The following ARHGAP15 variants were observed in gnomAD, a reference collection of about 807,000 sequenced individuals.
The protein encoded by ARHGAP15 is rho GTPase-activating protein 15.
ARHGAP15 carries 51 observed loss-of-function variants against 63.7 expected under a neutral mutation model. The ratio of observed to expected loss-of-function variants is 0.80; its 90% CI spans 0.64 to 1.01. The LOEUF (loss-of-function observed/expected upper bound fraction) is 1.01, where lower values mean the gene tolerates loss of function less well. Among genes scored for constraint, ARHGAP15 ranks in the 50% least tolerant of loss-of-function variants. The pLI, the probability that ARHGAP15 is intolerant of heterozygous loss-of-function variation, is 0.00. For synonymous variants in ARHGAP15, 191 were observed against 193.8 expected (o/e 0.99, Z 0.12); for missense variants, 560 against 564.6 (o/e 0.99, Z 0.08).
chr2:143,522,951 A>G (rs1033064276), intron 10 of ARHGAP15, among the ~76,000 whole-genome samples: 11 of 152,176 alleles, frequency 7.2e-5, no homozygotes, highest in Admixed American at 7.2e-4. Context: ...CTTAGATAGA[A>G]GGGCCTAGGA....
At chr2:143,463,861 G>A (rs1296282633) in intron 8 of ARHGAP15, among the ~76,000 whole-genome samples, 1 of 152,120 alleles carries the variant, frequency 6.6e-6, no homozygotes, top group Non-Finnish European at 1.5e-5. Flanking sequence ...TAGCTAGGTT[G>A]ACATATTAAA....
In ARHGAP15 at chr2:143,195,598, CA is replaced by C. The variant is rs1249538195; in HGVS notation, c.166-6529del. Among the ~76,000 whole-genome samples the C allele has an allele frequency of 8.5e-5, 13 of 152,048 alleles. 1 individual carries two copies. The South Asian group carries it at 2.3e-3, about 27-fold the overall frequency. Reference sequence around the variant, plus strand: ...TTTGAATGTAAGAATTGGGATACACCAAAAAAACTTTTAAGAGACTGTAGAG... The same window carrying C: ...TTTGAATGTAAGAATTGGGATACACCAAAAAACTTTTAAGAGACTGTAGAG... On this transcript the variant is annotated intron_variant, in intron 2 of 13. Coordinates refer to ENST00000295095, the MANE Select transcript of ARHGAP15 (RefSeq NM_018460.4).
intron 6 of ARHGAP15, among the ~76,000 whole-genome samples, chr2:143,421,853 A>G (rs999292530): frequency 6.6e-6 from 1 of 151,628 alleles, no homozygotes. Flanking sequence ...ATGTGTAGAA[A>G]GATACCTAGA....
chr2:143,745,433 T>G (rs1363907225), intron 13 of ARHGAP15, among the ~76,000 whole-genome samples: 1 of 152,190 alleles, frequency 6.6e-6, no homozygotes, highest in Non-Finnish European at 1.5e-5. Flanking sequence ...AATGCCACCA[T>G]TCTTTTATAA....
At chr2:143,327,908 CA>C (rs201067319) in intron 6 of ARHGAP15, among the ~76,000 whole-genome samples, 46,824 of 144,712 alleles carry the variant, frequency 0.32, 8,163 homozygotes, top group Admixed American at 0.45. Context: ...ATTTACAAGA[CA>C]AAAAAAAAAA....
chr2:143,594,722 C>T (rs941736030), intron 11 of ARHGAP15, among the ~76,000 whole-genome samples: 4 of 152,010 alleles, frequency 2.6e-5, no homozygotes, highest in African/African-American at 9.7e-5. Context: ...ATGTTTTTCC[C>T]TATGGAACAT....
At chr2:143,497,762 T>A (rs569736857) in intron 9 of ARHGAP15, among the ~76,000 whole-genome samples, 1 of 152,196 alleles carries the variant, frequency 6.6e-6, no homozygotes. Flanking sequence ...GACCTGGAGA[T>A]TGATTATTTG....
chr2:143,504,813 T>TA (rs1693231482), intron 9 of ARHGAP15, among the ~76,000 whole-genome samples: 1 of 152,226 alleles, frequency 6.6e-6, no homozygotes, highest in Admixed American at 6.5e-5. Context: ...GAGAGTTACC[T>TA]GCTTCCCTGC....
intron 1 of ARHGAP15, among the ~76,000 whole-genome samples, chr2:143,141,271 T>C (rs1689350758): frequency 6.6e-6 from 1 of 152,098 alleles, no homozygotes; most frequent in African/African-American, 2.4e-5. Context: ...AGACAGGGGA[T>C]TTCAGACAGT....
chr2:143,648,971 T>C (rs1254094331), intron 12 of ARHGAP15: 1 of 152,026 alleles, frequency 6.6e-6, no homozygotes, highest in African/African-American at 2.4e-5. Context: ...AACCACACTT[T>C]TAGTCTCAGA....
Position 143,624,059 on chromosome 2 carries a change from A to G in ARHGAP15, c.1004-74A>G, listed in dbSNP as rs1698743847. 3.2e-6 allele frequency: 5 copies of G among 1,554,222 alleles called. No homozygotes were observed. In the African/African-American group the frequency reaches 4.1e-5, roughly 13 times the overall value. ...CGGTTGCTGATGATAGTAGGCAAAC[A>G]TTAACATAATAATTAGTGTCTTGTA... On this transcript the variant is annotated intron_variant, in intron 11 of 13. Coordinates refer to ENST00000295095, the MANE Select transcript of ARHGAP15 (RefSeq NM_018460.4).
chr2:143,539,943 T>G (rs904322868), intron 10 of ARHGAP15, among the ~76,000 whole-genome samples: 1 of 151,922 alleles, frequency 6.6e-6, no homozygotes, highest in Non-Finnish European at 1.5e-5. Context: ...CTTGTTTACT[T>G]TCTGTCTCGT....
intron 3 of ARHGAP15, among the ~76,000 whole-genome samples, chr2:143,203,773 C>T (rs1191551264): frequency 2.0e-5 from 3 of 151,620 alleles, no homozygotes; most frequent in Non-Finnish European, 2.9e-5. Flanking sequence ...TTTATTTTTT[C>T]TGTCTGTAGG....
At chr2:143,151,581 A>G (rs1391808798) in intron 1 of ARHGAP15, among the ~76,000 whole-genome samples, 1 of 151,994 alleles carries the variant, frequency 6.6e-6, no homozygotes. Context: ...TAAGTGATTC[A>G]GAGGTAAGAA....
chr2:143,434,073 ACTG>A (rs1689501363), intron 6 of ARHGAP15, among the ~76,000 whole-genome samples: 4 of 152,094 alleles, frequency 2.6e-5, no homozygotes, highest in African/African-American at 7.2e-5. Flanking sequence ...GCTGTCTTTT[ACTG>A]GATACATAAA....
intron 6 of ARHGAP15, among the ~76,000 whole-genome samples, chr2:143,355,315 A>G (rs1239029265): frequency 6.6e-6 from 1 of 152,182 alleles, no homozygotes; most frequent in Non-Finnish European, 1.5e-5. Context: ...CTTTCGGTTA[A>G]CTTTTTTCAA....
intron 9 of ARHGAP15, among the ~76,000 whole-genome samples, chr2:143,496,423 GA>G (rs1205560112): frequency 2.0e-5 from 3 of 152,150 alleles, no homozygotes; most frequent in Non-Finnish European, 2.9e-5. Context: ...TAGGTAAGGG[GA>G]AAAAGAATGA....
intron 6 of ARHGAP15, among the ~76,000 whole-genome samples, chr2:143,384,565 TAAA>T (rs11309282): frequency 0.22 from 32,901 of 149,266 alleles, 3,767 homozygotes; most frequent in Admixed American, 0.31. Flanking sequence ...GTTTTAGAGT[TAAA>T]AAAAAAAAAA....
At chr2:143,738,623 C>G (rs1685845296) in intron 13 of ARHGAP15, among the ~76,000 whole-genome samples, 1 of 152,140 alleles carries the variant, frequency 6.6e-6, no homozygotes, top group Non-Finnish European at 1.5e-5. Context: ...GTGTTAATAA[C>G]AATTTAAAGT....
Sources: allele counts gnomAD v4.1 joint callset (sites outside exome capture counted in the v4.1 genomes callset), GRCh38; gene constraint gnomAD v4.1.1; transcripts MANE v1.5; gene names NCBI Gene and HGNC (gene_info 2026-07-23, HGNC 2026-07-21).